The following ARHGAP23 variants were observed in gnomAD, a reference collection of about 807,000 sequenced individuals.
The protein encoded by ARHGAP23 is Rho GTPase activating protein 23, also known as rho GTPase-activating protein 23.
ARHGAP23 carries 34 observed loss-of-function variants against 136.3 expected under a neutral mutation model. That is an observed-to-expected ratio of 0.25 (90% CI 0.19 to 0.33). ARHGAP23 has a LOEUF of 0.33. Among genes scored for constraint, ARHGAP23 ranks in the 10% least tolerant of loss-of-function variants. The pLI, the probability that ARHGAP23 is intolerant of heterozygous loss-of-function variation, is 1.00. For missense variants in ARHGAP23, 1,808 were observed against 2,139.0 expected (o/e 0.85, Z 3.05); for synonymous variants, 832 against 920.5 (o/e 0.90, Z 1.74).
chr17:38,496,952 GAA>G (rs56999011), intron 20 of ARHGAP23, among the ~76,000 whole-genome samples: 146 of 145,418 alleles, frequency 1.0e-3, no homozygotes, highest in Admixed American at 1.8e-3. Flanking sequence ...GATTCTGTTG[GAA>G]AAAAAAAAAA....
intron 1 of ARHGAP23, among the ~76,000 whole-genome samples, chr17:38,437,266 C>T (rs1208417245): frequency 6.7e-6 from 1 of 150,138 alleles, no homozygotes; most frequent in African/African-American, 2.5e-5. Flanking sequence ...AGTGCAGTGG[C>T]ACAATCAGGC....
At chr17:38,498,702 C>A (rs1380509799) in intron 22 of ARHGAP23, among the ~76,000 whole-genome samples, 192 bp downstream of exon 22, 1 of 152,200 alleles carries the variant, frequency 6.6e-6, no homozygotes, top group Non-Finnish European at 1.5e-5. Context: ...CCGTGCCCAC[C>A]TCCTGTCTGC....
At chr17:38,439,328 C>T (rs1214640614) in intron 1 of ARHGAP23, among the ~76,000 whole-genome samples, 3 of 152,124 alleles carry the variant, frequency 2.0e-5, no homozygotes, top group Admixed American at 1.3e-4. Flanking sequence ...AAATATCTTC[C>T]GTAAAGCCTC....
At chr17:38,499,831 C>A (rs1170311351) in intron 22 of ARHGAP23, among the ~76,000 whole-genome samples, 2 of 152,076 alleles carry the variant, frequency 1.3e-5, no homozygotes, top group African/African-American at 4.8e-5. Context: ...CTTGGACCAA[C>A]CTGCTCCTTC....
chr17:38,432,569 C>T (rs2038708115), intron 1 of ARHGAP23, among the ~76,000 whole-genome samples: 1 of 152,102 alleles, frequency 6.6e-6, no homozygotes, highest in Admixed American at 6.5e-5. Context: ...GTCCCAGCTA[C>T]TTGGGAGCCT....
intron 1 of ARHGAP23, among the ~76,000 whole-genome samples, chr17:38,456,262 C>CA (rs2039322899): frequency 6.6e-6 from 1 of 152,212 alleles, no homozygotes; most frequent in African/African-American, 2.4e-5. Flanking sequence ...GGCTCTCCCC[C>CA]ATGCGGAAAT....
Position 38,510,945 on chromosome 17 carries a change from C to G in ARHGAP23, c.4449C>G (p.Ala1483=), listed in dbSNP as rs1048444138. The change falls in exon 24 of 24, where the codon GCC becomes GCG. Residue 1483 remains alanine, a synonymous_variant. Transcript: ENST00000622683. This position sits in a 1 kb window ranked among gnomAD's most constrained non-coding sequence, Gnocchi z 4.6. ...SLQSQPPRRS[A]ASRLHQCL is the part of the protein sequence containing the mutation. ...AGAGCCAGCCCCCGCGCCGCTCGGC[C>G]GCCTCCCGCCTGCATCAGTGTCTGT... The G allele has an allele frequency of 6.9e-7, 1 of 1,459,508 alleles. No individual in the cohort carries two copies. Among genetic ancestry groups the G allele is most frequent in the Non-Finnish European group, 8.9e-7 (1 of 1,117,722 alleles). The allele number at this position is 1,459,508 out of a possible 1,614,324, so 90.4% of individuals were successfully genotyped here.
chr17:38,428,431 G>C (rs1028464771), upstream of ARHGAP23: 76 of 1,172,384 alleles, frequency 6.5e-5, no homozygotes, highest in South Asian at 1.1e-3. Context: ...CCCCTCCCGG[G>C]TCCCTGCCGG....
intron 1 of ARHGAP23, 36 bp downstream of exon 1, chr17:38,428,584 G>A (rs1479952670): frequency 7.4e-6 from 10 of 1,354,138 alleles, no homozygotes; most frequent in South Asian, 1.6e-5. Flanking sequence ...GGCGGGGCCG[G>A]TAGCTGCTGG....
At chr17:38,439,889 C>T (rs535833387) in intron 1 of ARHGAP23, among the ~76,000 whole-genome samples, 2 of 151,246 alleles carry the variant, frequency 1.3e-5, no homozygotes, top group Non-Finnish European at 2.9e-5. Flanking sequence ...ATTCTCCTGC[C>T]CGGCTAATTT....
chr17:38,475,372 G>A (rs2039869321), intron 11 of ARHGAP23, among the ~76,000 whole-genome samples: 1 of 152,238 alleles, frequency 6.6e-6, no homozygotes. Flanking sequence ...TTATGCCTCT[G>A]GTTTAGCCTC....
chr17:38,439,958 C>T (rs932572852), intron 1 of ARHGAP23, among the ~76,000 whole-genome samples: 12 of 151,738 alleles, frequency 7.9e-5, no homozygotes, highest in Non-Finnish European at 1.6e-4. Flanking sequence ...TAACTCCTGA[C>T]CTTAGGTGAT....
intron 1 of ARHGAP23, chr17:38,454,031 G>C: frequency 6.8e-6 from 1 of 147,382 alleles, no homozygotes; most frequent in African/African-American, 2.4e-5. Context: ...GGGGGCTGGC[G>C]CTGGGAGCGC....
At chr17:38,504,635 G>A (rs192398049) in intron 23 of ARHGAP23, among the ~76,000 whole-genome samples, 5 of 152,316 alleles carry the variant, frequency 3.3e-5, no homozygotes, top group South Asian at 2.1e-4. Context: ...AGGACCAAGC[G>A]TGCAGGGATC....
chr17:38,493,864 C>T (rs1463268380), intron 20 of ARHGAP23, among the ~76,000 whole-genome samples: 1 of 152,196 alleles, frequency 6.6e-6, no homozygotes, highest in Non-Finnish European at 1.5e-5. Context: ...TTGCCAGGAG[C>T]CCCTACCTAT....
At chr17:38,483,625 G>T (rs981867396) in intron 16 of ARHGAP23, among the ~76,000 whole-genome samples, 4 of 152,258 alleles carry the variant, frequency 2.6e-5, no homozygotes, top group Non-Finnish European at 5.9e-5. Flanking sequence ...AATCACACAC[G>T]TGAAGGCTCA....
At chr17:38,485,866 G>C (rs2040148363) in intron 16 of ARHGAP23, among the ~76,000 whole-genome samples, 196 bp from the exon 17 acceptor site, 2 of 152,220 alleles carry the variant, frequency 1.3e-5, no homozygotes, top group South Asian at 4.1e-4. Flanking sequence ...GAGGGGCTGG[G>C]GCCAAGTGTG....
intron 23 of ARHGAP23, among the ~76,000 whole-genome samples, chr17:38,505,741 C>A (rs1388807421): frequency 2.6e-5 from 4 of 151,970 alleles, no homozygotes; most frequent in Non-Finnish European, 5.9e-5. Context: ...CCAGCCTGGC[C>A]AATATGGCAA....
intron 17 of ARHGAP23, among the ~76,000 whole-genome samples, chr17:38,487,637 C>A (rs918133831): frequency 1.1e-4 from 17 of 152,064 alleles, no homozygotes; most frequent in Admixed American, 7.9e-4. Context: ...AAGGCTGAGG[C>A]GGGTGGATCA....
Sources: allele counts gnomAD v4.1 joint callset (sites outside exome capture counted in the v4.1 genomes callset), GRCh38; gene constraint gnomAD v4.1.1; non-coding constraint Gnocchi (gnomAD v3.1); transcripts MANE v1.5; gene names NCBI Gene and HGNC (gene_info 2026-07-23, HGNC 2026-07-21).